The following MLLT3 variants were observed in gnomAD, a reference collection of about 807,000 sequenced individuals.
MLLT3 encodes protein AF-9.
MLLT3 carries 4 observed loss-of-function variants against 53.2 expected under a neutral mutation model. The observed-to-expected ratio is 0.08, with a 90% confidence interval of 0.04 to 0.17. The LOEUF is 0.17. MLLT3 is among the 10% of genes least tolerant of loss of function. The pLI is 1.00. For synonymous variants in MLLT3, 283 were observed against 230.6 expected (o/e 1.23, Z -2.06); for missense variants, 569 against 684.0 (o/e 0.83, Z 1.87).
At chr9:20,403,131 CAAT>C (rs1392958591) in intron 5 of MLLT3, among the ~76,000 whole-genome samples, 3 of 149,400 alleles carry the variant, frequency 2.0e-5, no homozygotes, top group East Asian at 1.9e-4. Flanking sequence ...AAAAAAAAAA[CAAT>C]GAGACCCCTA....
At chr9:20,494,721 C>A (rs1250256138) in intron 2 of MLLT3, among the ~76,000 whole-genome samples, 1 of 152,176 alleles carries the variant, frequency 6.6e-6, no homozygotes, top group Non-Finnish European at 1.5e-5. Flanking sequence ...ACAAATTTCC[C>A]TACCACGGAC....
At chr9:20,357,311 T>C (rs1233586064) in intron 8 of MLLT3, among the ~76,000 whole-genome samples, 2 of 152,186 alleles carry the variant, frequency 1.3e-5, no homozygotes, top group African/African-American at 4.8e-5. Context: ...TGTTTGAAAT[T>C]CACATAAGGG....
rs1217249309 is a variant in MLLT3 at position 20,509,401 on chromosome 9, CTT to C, written c.194-52617_194-52616del. Among the ~76,000 whole-genome samples, 5 of 152,160 alleles carry C rather than the reference CTT, an allele frequency of 3.3e-5. No individual in the cohort carries two copies. In the East Asian group the frequency reaches 9.6e-4, roughly 29 times the overall value. On this transcript the variant is annotated intron_variant, in intron 2 of 10. Transcript: ENST00000380338. ...AAGCTTTTACTGTTTCTTTATAATTCTTTGACTCTAGATAAAAATGGTTCTCA... is the reference window on the plus strand; with the variant it reads ...AAGCTTTTACTGTTTCTTTATAATTCTGACTCTAGATAAAAATGGTTCTCA...
At chr9:20,619,827 A>T (rs1820945931) in intron 2 of MLLT3, among the ~76,000 whole-genome samples, 1 of 152,184 alleles carries the variant, frequency 6.6e-6, no homozygotes, top group Non-Finnish European at 1.5e-5. Context: ...GAGGCCCAGT[A>T]GGATTATGCA....
chr9:20,464,550 T>C (rs1180826152), intron 2 of MLLT3, among the ~76,000 whole-genome samples: 2 of 152,100 alleles, frequency 1.3e-5, no homozygotes, highest in Non-Finnish European at 2.9e-5. Flanking sequence ...TATAGAATAA[T>C]AAAAGTGTTA....
intron 2 of MLLT3, among the ~76,000 whole-genome samples, chr9:20,516,273 T>C (rs1278203337): frequency 6.6e-6 from 1 of 152,218 alleles, no homozygotes; most frequent in Admixed American, 6.5e-5. Context: ...ACAAACGATA[T>C]TGTGACTTTT....
intron 2 of MLLT3, among the ~76,000 whole-genome samples, chr9:20,547,690 C>T (rs1818824811): frequency 6.6e-6 from 1 of 151,316 alleles, no homozygotes; most frequent in South Asian, 2.1e-4. Flanking sequence ...GTGGCTCACG[C>T]CTGTAATTCC....
chr9:20,581,765 C>T (rs114392247), intron 2 of MLLT3, among the ~76,000 whole-genome samples: 2,049 of 152,274 alleles, frequency 0.013, 48 homozygotes, highest in African/African-American at 0.045. Context: ...AACATTTCTA[C>T]AGAGCTAATC....
chr9:20,535,843 G>A (rs1818470552), intron 2 of MLLT3, among the ~76,000 whole-genome samples: 1 of 152,086 alleles, frequency 6.6e-6, no homozygotes, highest in Non-Finnish European at 1.5e-5. Context: ...ATAGGAAGAT[G>A]CCCATCCATT....
At chr9:20,473,213 T>C (rs567215881) in intron 2 of MLLT3, among the ~76,000 whole-genome samples, 3 of 152,232 alleles carry the variant, frequency 2.0e-5, no homozygotes, top group Admixed American at 2.0e-4. Flanking sequence ...TCACTTTTTC[T>C]TATTGCTTCA....
intron 2 of MLLT3, among the ~76,000 whole-genome samples, chr9:20,511,265 A>C (rs1825527305): frequency 6.6e-6 from 1 of 152,206 alleles, no homozygotes; most frequent in South Asian, 2.1e-4. Flanking sequence ...AATTTAAAAA[A>C]AACTTCAAGA....
Position 20,614,152 on chromosome 9 carries a change from T to C in MLLT3, c.193+6502A>G, listed in dbSNP as rs1820766792. 1.3e-5 allele frequency among the ~76,000 whole-genome samples: 2 copies of C among 152,196 alleles called. 1 individual carries two copies. Among genetic ancestry groups the C allele is most frequent in the South Asian group, 4.1e-4 (2 of 4,824 alleles). On this transcript the variant is annotated intron_variant, in intron 2 of 10. Transcript: ENST00000380338. ...CCTCATGCCTGTAATCTCAGCACTT[T>C]GGAAGGCCAAGGCGGGAGGATCACC...
rs947139996 is a variant in MLLT3, at chr9:20,520,910, G to C, written c.194-64124C>G. 3.3e-5 allele frequency among the ~76,000 whole-genome samples: 5 copies of C among 152,320 alleles called. No homozygotes were observed. The South Asian group carries it at 1.0e-3, about 32-fold the overall frequency. On this transcript the variant is annotated intron_variant, in intron 2 of 10. Coordinates refer to ENST00000380338, the MANE Select transcript of MLLT3 (RefSeq NM_004529.4). ...TCCTAAAGCTGAGGGAAGACTAAGAGTGGGAGAAGCAGGACATGTAGAATA... is the reference window on the plus strand; with the variant it reads ...TCCTAAAGCTGAGGGAAGACTAAGACTGGGAGAAGCAGGACATGTAGAATA...
At chr9:20,426,024 A>C (rs1411409076) in intron 4 of MLLT3, among the ~76,000 whole-genome samples, 1 of 152,000 alleles carries the variant, frequency 6.6e-6, no homozygotes, top group Non-Finnish European at 1.5e-5. Flanking sequence ...TCCTCAAATG[A>C]CTATGACTTG....
chr9:20,537,627 T>C (rs1376392318), intron 2 of MLLT3, among the ~76,000 whole-genome samples: 1 of 152,182 alleles, frequency 6.6e-6, no homozygotes, highest in Non-Finnish European at 1.5e-5. Flanking sequence ...AATTTTCACA[T>C]GGTTATTTTC....
At chr9:20,360,454 G>C (rs1362388107) in intron 8 of MLLT3, among the ~76,000 whole-genome samples, 1 of 152,196 alleles carries the variant, frequency 6.6e-6, no homozygotes, top group East Asian at 1.9e-4. Context: ...GAAGTGTAAA[G>C]TATATAGAAA....
chr9:20,592,135 C>T (rs542731247), intron 2 of MLLT3, among the ~76,000 whole-genome samples: 2 of 152,072 alleles, frequency 1.3e-5, no homozygotes, highest in Admixed American at 6.6e-5. Context: ...ATCACATATC[C>T]CAAAAAATTA....
At chr9:20,488,313 C>T (rs1824863997) in intron 2 of MLLT3, among the ~76,000 whole-genome samples, 1 of 151,938 alleles carries the variant, frequency 6.6e-6, no homozygotes, top group Admixed American at 6.6e-5. Flanking sequence ...TGTGAATATG[C>T]TTAATGACAC....
intron 2 of MLLT3, among the ~76,000 whole-genome samples, chr9:20,544,438 C>T (rs1261137880): frequency 6.6e-6 from 1 of 152,144 alleles, no homozygotes; most frequent in African/African-American, 2.4e-5. Context: ...CTTGAACAGA[C>T]ATTTCTCCAA....
Sources: allele counts gnomAD v4.1 joint callset (sites outside exome capture counted in the v4.1 genomes callset), GRCh38; gene constraint gnomAD v4.1.1; transcripts MANE v1.5; gene names NCBI Gene and HGNC (gene_info 2026-07-23, HGNC 2026-07-21).